FGF13: variants seen among roughly 807,000 people sequenced by gnomAD.
FGF13 encodes fibroblast growth factor 13, also known as fibroblast growth factor homologous factor 2.
A neutral mutation model predicts 19.5 loss-of-function variants in FGF13; 2 were observed. The observed-to-expected ratio is 0.10, with a 90% CI of 0.04 to 0.32. The LOEUF (loss-of-function observed/expected upper bound fraction) is 0.32. FGF13 is among the 10% of genes least tolerant of loss of function. The pLI is 1.00. For synonymous variants in FGF13, 72 were observed against 76.9 expected, an observed-to-expected ratio of 0.94 and a Z score of 0.33; for missense variants, 113 against 192.7, an observed-to-expected ratio of 0.59 and a Z score of 2.45.
At chrX:138,989,319 A>C (rs1424581145) in intron 1 of FGF13, among the ~76,000 whole-genome samples, 1 of 111,828 alleles carries the variant, frequency 8.9e-6, no homozygotes, top group African/African-American at 3.2e-5. Context: ...TATGGCGATC[A>C]CAACCACACT....
At position 138,966,364 on chromosome X, in the gene FGF13, C is replaced by A. The variant is rs756736066; in HGVS notation, c.-112-101714G>T. Among the ~76,000 whole-genome samples the A allele has an allele frequency of 4.5e-5, 5 of 112,258 alleles. No homozygotes were observed. The South Asian group carries it at 1.9e-3, about 42-fold the overall frequency. On this transcript the variant is annotated intron_variant, in intron 1 of 2. Transcript: ENST00000421460. The stretch of plus-strand genomic sequence containing the variant: ...GCTGTACCCTGCAAAGCCACAGGGA[C>A]AGAGCTGCCCAAGGATGTAGGAGCC...
rs376206756 is a variant in FGF13 at position 139,005,950 on chromosome X, G to C, written c.-112-141300C>G. Among the ~76,000 whole-genome samples, 22 of 109,587 alleles carry C rather than the reference G, an allele frequency of 2.0e-4. No individual in the cohort carries two copies. In the East Asian group the frequency reaches 5.9e-3, roughly 29 times the overall value. On this transcript the variant is annotated intron_variant, in intron 1 of 2. Coordinates refer to the FGF13 transcript ENST00000421460. ...TAAGATGTAGAAAATAGTCTCTAAAGGGCAAAGCTAAGAGTTACTGGCCTT... is the reference window on the plus strand; with the variant it reads ...TAAGATGTAGAAAATAGTCTCTAAACGGCAAAGCTAAGAGTTACTGGCCTT...
intron 1 of FGF13, among the ~76,000 whole-genome samples, chrX:138,899,961 C>T (rs997429225): frequency 9.0e-6 from 1 of 110,590 alleles, no homozygotes; most frequent in South Asian, 3.9e-4. Flanking sequence ...AGTGTCTATG[C>T]GTGTGAGTAT....
chrX:138,905,155 G>T (rs952615552), intron 1 of FGF13, among the ~76,000 whole-genome samples: 4 of 111,087 alleles, frequency 3.6e-5, no homozygotes, highest in African/African-American at 6.6e-5. Flanking sequence ...TTGGGACAGG[G>T]ACCTTACTGA....
At chrX:138,737,002 G>A (rs1384731116) in intron 1 of FGF13, among the ~76,000 whole-genome samples, 2 of 111,490 alleles carry the variant, frequency 1.8e-5, no homozygotes, top group Non-Finnish European at 3.8e-5. Context: ...AAACAAGATT[G>A]AAAGGGTAGA....
chrX:138,835,426 G>GT (rs1403728718), intron 3 of FGF13, among the ~76,000 whole-genome samples: 1 of 111,366 alleles, frequency 9.0e-6, no homozygotes, highest in African/African-American at 3.3e-5. Context: ...GTTTTGTTTT[G>GT]TTTTTTGATC....
chrX:138,786,328 T>C (rs1320384469), intron 3 of FGF13, among the ~76,000 whole-genome samples: 4 of 110,261 alleles, frequency 3.6e-5, no homozygotes, highest in Non-Finnish European at 5.7e-5. Flanking sequence ...AAAAAAAAAA[T>C]TGGGCCAAGG....
intron 1 of FGF13, among the ~76,000 whole-genome samples, chrX:139,123,913 G>A (rs5976279): frequency 0.084 from 9,454 of 112,058 alleles, 1,007 homozygotes; most frequent in African/African-American, 0.29. Context: ...TGTAGATAAG[G>A]TCCCCTAGCC....
chrX:138,955,847 G>A (rs1040086187), intron 1 of FGF13, among the ~76,000 whole-genome samples: 1 of 112,112 alleles, frequency 8.9e-6, no homozygotes, highest in African/African-American at 3.2e-5. Flanking sequence ...TCTGTGCACT[G>A]CCTTTCTACT....
At chrX:138,825,559 A>G (rs902518112) in intron 3 of FGF13, among the ~76,000 whole-genome samples, 17 of 111,211 alleles carry the variant, frequency 1.5e-4, no homozygotes, top group African/African-American at 5.6e-4. Flanking sequence ...ATGAACTGCT[A>G]TAGTTAAGAA....
At chrX:138,998,039 A>C in intron 1 of FGF13, among the ~76,000 whole-genome samples, 1 of 112,051 alleles carries the variant, frequency 8.9e-6, no homozygotes, top group Non-Finnish European at 1.9e-5. Context: ...CAACATTCTT[A>C]AAGAAAAGAA....
At chrX:138,888,435 T>C (rs1284879046) in intron 1 of FGF13, among the ~76,000 whole-genome samples, 2 of 110,952 alleles carry the variant, frequency 1.8e-5, no homozygotes, top group African/African-American at 6.6e-5. Flanking sequence ...CAGCCACCTA[T>C]ATCTATAGCT....
chrX:138,687,941 C>A (rs755984929), intron 3 of FGF13, among the ~76,000 whole-genome samples: 10 of 107,883 alleles, frequency 9.3e-5, no homozygotes, highest in African/African-American at 2.7e-4. Context: ...CATATGGGAA[C>A]TAAAAAATTG....
At position 138,621,081 on chromosome X, in the gene FGF13, C is replaced by G. The variant is rs1688477194; in HGVS notation, c.*11769G>C. On this transcript the variant is annotated 3_prime_UTR_variant, in exon 5 of 5. Transcript: ENST00000315930. ...TTCAACAATGGACAGATCACCCAGA[C>G]AGAAAATCAATAGGGAATTGACTTG... 1 of 111,650 alleles carries G rather than the reference C, an allele frequency of 9.0e-6. No individual in the cohort carries two copies. Among genetic ancestry groups the G allele is most frequent in the Admixed American group, 9.5e-5 (1 of 10,516 alleles). The allele number at this position is 111,650 out of a possible 1,213,427, so 9.2% of individuals were successfully genotyped here.
At chrX:139,034,475 C>T (rs1206416265) in intron 1 of FGF13, among the ~76,000 whole-genome samples, 2 of 111,001 alleles carry the variant, frequency 1.8e-5, no homozygotes, top group Admixed American at 9.6e-5. Context: ...TATGTTTATC[C>T]TGACTAGAGT....
At chrX:138,664,504 T>C (rs1227643256) in intron 3 of FGF13, among the ~76,000 whole-genome samples, 8 of 110,443 alleles carry the variant, frequency 7.2e-5, no homozygotes, top group Non-Finnish European at 1.5e-4. Flanking sequence ...AAAAGGGAAG[T>C]TGTTACAAGA....
At chrX:138,992,023 T>C (rs1300763105) in intron 1 of FGF13, among the ~76,000 whole-genome samples, 1 of 111,828 alleles carries the variant, frequency 8.9e-6, no homozygotes, top group East Asian at 2.8e-4. Flanking sequence ...TGCTATTGTT[T>C]TAATGTGCAT....
chrX:138,964,790 G>A (rs1248986746), intron 1 of FGF13, among the ~76,000 whole-genome samples: 1 of 110,895 alleles, frequency 9.0e-6, no homozygotes, highest in Non-Finnish European at 1.9e-5. Context: ...ACCAGCTCTT[G>A]CAGGTAGCTA....
chrX:139,154,831 A>G (rs2083964749), intron 1 of FGF13, among the ~76,000 whole-genome samples: 1 of 112,061 alleles, frequency 8.9e-6, no homozygotes, highest in Admixed American at 9.5e-5. Flanking sequence ...TTTAATTTGT[A>G]TATTAGTAGT....
Sources: gnomAD v4.1 joint callset for allele counts (sites outside exome capture counted in the v4.1 genomes callset) on GRCh38, gnomAD v4.1.1 for gene constraint, MANE v1.5 for transcripts, NCBI Gene and HGNC (gene_info 2026-07-23, HGNC 2026-07-21) for gene names.